CEP350: variants seen among roughly 807,000 people sequenced by gnomAD.
The protein encoded by CEP350 is centrosome-associated protein 350.
A neutral mutation model predicts 331.8 loss-of-function variants in CEP350; 126 were observed. The ratio of observed to expected loss-of-function variants is 0.38; its 90% CI spans 0.33 to 0.44. CEP350 has a LOEUF of 0.44. Ranked by LOEUF, CEP350 falls within the 20% of genes least tolerant of loss-of-function variation. The pLI, the probability that CEP350 is intolerant of heterozygous loss-of-function variation, is 1.00. For missense variants in CEP350, 3,406 were observed against 3,634.6 expected, an observed-to-expected ratio of 0.94 and a Z score of 1.62; for synonymous variants, 1,200 against 1,259.5, an observed-to-expected ratio of 0.95 and a Z score of 1.00.
chr1:179,990,425 C>T, intron 3 of CEP350, 82 bp from the exon 4 acceptor site: 1 of 639,266 alleles, frequency 1.6e-6, no homozygotes, highest in Non-Finnish European at 2.6e-6. Context: ...GGGCAATATA[C>T]TTTTAAATAA....
chr1:180,057,571 T>G (rs950200171), intron 25 of CEP350, among the ~76,000 whole-genome samples: 2 of 152,098 alleles, frequency 1.3e-5, no homozygotes, highest in Non-Finnish European at 2.9e-5. Context: ...CCTAGTAATT[T>G]TTTTGTTGAA....
At chr1:180,022,507 T>C (rs1186648024) in intron 12 of CEP350, among the ~76,000 whole-genome samples, 191 bp from the exon 13 acceptor site, 1 of 152,186 alleles carries the variant, frequency 6.6e-6, no homozygotes, top group Non-Finnish European at 1.5e-5. Context: ...GTTTTCTGTA[T>C]GTTTTAAAAT....
At chr1:180,016,022 G>T in intron 11 of CEP350, 52 bp downstream of exon 11, 1 of 1,601,628 alleles carries the variant, frequency 6.2e-7, no homozygotes. Flanking sequence ...GAAATTTAGC[G>T]GAGTGGTCTA....
In CEP350 at chr1:180,014,421, A is replaced by G; in HGVS notation, c.1968A>G (p.Arg656=). ...CTTCTGAGCCATCAGCAACTAGGCG[A>G]CTACAGGAAACTTACTCCAAATTGC... ...VPPSEPSATR[R]LQETYSKLLL... is the part of the protein sequence containing the mutation. The change falls in exon 10 of 38, where the codon CGA becomes CGG. Residue 656 remains arginine (R), a synonymous_variant. Transcript: ENST00000367607. 3 of 1,608,148 alleles carry G rather than the reference A, an allele frequency of 1.9e-6. No homozygotes were observed. The highest frequency in any genetic ancestry group is 2.5e-6 in the Non-Finnish European group (3 of 1,177,258).
At position 180,053,106 on chromosome 1, in the gene CEP350, T is replaced by A; in HGVS notation, c.4929T>A (p.Gly1643=). The change falls in exon 23 of 38, where the codon GGT becomes GGA. Residue 1643 remains glycine, a synonymous_variant. Transcript: ENST00000367607. ...HRRFNMEKRR[G]HHDDSDEEAS... ...GATTTAACATGGAAAAGAGAAGAGGTCATCATGATGACTCTGATGAAGAAG... is the reference window on the plus strand; with the variant it reads ...GATTTAACATGGAAAAGAGAAGAGGACATCATGATGACTCTGATGAAGAAG... 1 of 1,607,502 alleles carries A rather than the reference T, an allele frequency of 6.2e-7. No individual in the cohort carries two copies. Among genetic ancestry groups the A allele is most frequent in the Non-Finnish European group, 8.5e-7 (1 of 1,176,886 alleles).
chr1:180,041,347 T>C, intron 18 of CEP350, 99 bp downstream of exon 18: 1 of 829,946 alleles, frequency 1.2e-6, no homozygotes, highest in Non-Finnish European at 1.9e-6. Flanking sequence ...AAAAAGTGTA[T>C]ATATAAATAA....
intron 30 of CEP350, 25 bp from the exon 31 acceptor site, chr1:180,083,993 A>G (rs1310102117): frequency 1.5e-6 from 2 of 1,315,004 alleles, no homozygotes; most frequent in Admixed American, 2.9e-5. Flanking sequence ...AAAATTATAA[A>G]TAAAAGATTT....
intron 27 of CEP350, 30 bp from the exon 28 acceptor site, chr1:180,074,992 C>T (rs1208944765): frequency 6.4e-7 from 1 of 1,567,780 alleles, no homozygotes; most frequent in Admixed American, 2.0e-5. Context: ...GGTTTTTTCT[C>T]TCAAACTGTT....
At chr1:180,080,371 ATTTGTAAACT>A in intron 29 of CEP350, 136 bp from the exon 30 acceptor site, 1 of 694,712 alleles carries the variant, frequency 1.4e-6, no homozygotes, top group Middle Eastern at 3.9e-4. Context: ...AGGTTGAATA[ATTTGTAAACT>A]TTTTTCACTT....
chr1:180,109,635 TG>T (rs1026714774), intron 37 of CEP350, among the ~76,000 whole-genome samples: 10 of 151,984 alleles, frequency 6.6e-5, no homozygotes, highest in Admixed American at 3.3e-4. Flanking sequence ...GTGTTTTTTT[TG>T]TTTGTTTGTT....
At chr1:180,035,974 A>T (rs1656325996) in intron 16 of CEP350, among the ~76,000 whole-genome samples, 1 of 152,238 alleles carries the variant, frequency 6.6e-6, no homozygotes, top group African/African-American at 2.4e-5. Context: ...ACTGTTCTAG[A>T]TGCCATTAAG....
At chr1:179,997,271 G>C (rs531966330) in intron 6 of CEP350, 96 bp downstream of exon 6, 7 of 1,404,530 alleles carry the variant, frequency 5.0e-6, no homozygotes, top group Non-Finnish European at 5.8e-6. Context: ...TTTAGAACAG[G>C]ATGTTATTCT....
chr1:180,106,567 GT>G (rs1255708443), intron 37 of CEP350, among the ~76,000 whole-genome samples: 1 of 151,822 alleles, frequency 6.6e-6, no homozygotes, highest in Non-Finnish European at 1.5e-5. Context: ...ATGTTTCATG[GT>G]TTTGTTTTTG....
chr1:180,021,457 C>T (rs1655315508), intron 12 of CEP350, among the ~76,000 whole-genome samples: 1 of 152,100 alleles, frequency 6.6e-6, no homozygotes, highest in Non-Finnish European at 1.5e-5. Flanking sequence ...AGTTCAAGAC[C>T]AGCCTGGCCA....
intron 1 of CEP350, chr1:179,969,321 A>C (rs1651257462): frequency 2.0e-6 from 1 of 506,268 alleles, no homozygotes; most frequent in Non-Finnish European, 3.9e-6. Context: ...TTTTAGGGTG[A>C]ATGGACTGTG....
intron 1 of CEP350, among the ~76,000 whole-genome samples, chr1:179,982,509 A>T (rs776616921): frequency 6.6e-6 from 1 of 152,092 alleles, no homozygotes; most frequent in Non-Finnish European, 1.5e-5. Flanking sequence ...AAGCAGATAA[A>T]TTTTCTCTTG....
At position 180,022,857 on chromosome 1, in the gene CEP350, T is replaced by C. The variant is rs374753168; in HGVS notation, c.3386+9T>C. On this transcript the variant is annotated intron_variant, in intron 13 of 37. Coordinates refer to ENST00000367607, the MANE Select transcript of CEP350 (RefSeq NM_014810.5). ...TCAACTCTTGAACCTCAGTAAGATA[T>C]ATTGGCAATATGGAATAAACTCTGA... 1 of 1,567,748 alleles carries C rather than the reference T, an allele frequency of 6.4e-7. No individual in the cohort carries two copies. The highest frequency in any genetic ancestry group is 2.3e-5 in the East Asian group (1 of 43,080).
chr1:180,048,816 T>C lies in CEP350; in HGVS notation c.4792+111T>C. 3 of 827,624 alleles carry C rather than the reference T, an allele frequency of 3.6e-6. No homozygotes were observed. In the South Asian group the frequency reaches 4.9e-5, roughly 14 times the overall value. The allele number at this position is 827,624 out of a possible 1,614,324, so 51.3% of individuals were successfully genotyped here. ...GGATGTGGTGGCTCATGCCAGTAAT[T>C]CCAGCACTTTGGGAGGCTGAGCTGG... is the stretch of plus-strand genomic sequence containing the variant. On this transcript the variant is annotated intron_variant, in intron 22 of 37. Coordinates refer to ENST00000367607, the MANE Select transcript of CEP350 (RefSeq NM_014810.5).
chr1:180,003,259 G>A lies in CEP350; in HGVS notation c.1104G>A (p.Leu368=). Residue 368 remains leucine (L), a synonymous_variant, in exon 7 of 38, where the codon CTG becomes CTA. Transcript: ENST00000367607. Reference sequence around the variant, plus strand: ...AGTTTCAAAACATGAGTAGAGAACTGTATCGAGATTTAGCACTTCACTTTG... The same window carrying A: ...AGTTTCAAAACATGAGTAGAGAACTATATCGAGATTTAGCACTTCACTTTG... The part of the protein sequence containing the change: ...EAEFQNMSRE[L]YRDLALHFAD... 6.2e-7 allele frequency: 1 copy of A among 1,611,872 alleles called. No homozygotes were observed. The highest frequency in any genetic ancestry group is 8.5e-7 in the Non-Finnish European group (1 of 1,178,828).
Sources: gnomAD v4.1 joint callset for allele counts (sites outside exome capture counted in the v4.1 genomes callset) on GRCh38, gnomAD v4.1.1 for gene constraint, MANE v1.5 for transcripts, NCBI Gene and HGNC (gene_info 2026-07-23, HGNC 2026-07-21) for gene names.